Variants in CTNNA3 observed in about 807,000 individuals in gnomAD.
The protein encoded by CTNNA3 is catenin alpha 3.
Under a neutral mutation model 95.7 loss-of-function variants are expected in CTNNA3, and 76 were observed. The ratio of observed to expected loss-of-function variants is 0.79; its 90% confidence interval spans 0.66 to 0.96. The LOEUF (loss-of-function observed/expected upper bound fraction) is 0.96, where lower values mean the gene tolerates loss of function less well. CTNNA3 is among the 40% of genes least tolerant of loss of function. The pLI is 0.00. For synonymous variants in CTNNA3, 431 were observed against 374.4 expected (o/e 1.15, Z -1.74); for missense variants, 1,191 against 1,089.8 (o/e 1.09, Z -1.31).
At chr10:66,984,152 CA>C (rs5785810) in intron 7 of CTNNA3, among the ~76,000 whole-genome samples, 120,297 of 151,802 alleles carry the variant, frequency 0.79, 48,222 homozygotes, top group Admixed American at 0.87. Context: ...CATCCGCTAC[CA>C]AAAAAAACAC....
At chr10:67,212,007 T>C (rs934146175) in intron 6 of CTNNA3, among the ~76,000 whole-genome samples, 1 of 152,082 alleles carries the variant, frequency 6.6e-6, no homozygotes, top group African/African-American at 2.4e-5. Context: ...ATTAAGCCAG[T>C]ACCTAGCACA....
rs557870298 is a variant in CTNNA3, at chr10:66,048,105, A to T, written c.2159+21203T>A. 9.8e-5 allele frequency among the ~76,000 whole-genome samples: 15 copies of T among 152,314 alleles called. No homozygotes were observed. The South Asian group carries it at 2.7e-3, about 27-fold the overall frequency. ...TATTAAACTACCAAGCACATTCTTC[A>T]CAGAACTAGAAAAAAAACTATTTTA... On this transcript the variant is annotated intron_variant, in intron 15 of 17. Coordinates refer to ENST00000433211, the MANE Select transcript of CTNNA3 (RefSeq NM_013266.4).
intron 5 of CTNNA3, among the ~76,000 whole-genome samples, chr10:67,447,836 TC>T (rs1846816093): frequency 6.6e-6 from 1 of 152,172 alleles, no homozygotes; most frequent in South Asian, 2.1e-4. Context: ...TTCATTCACC[TC>T]TTATATTTCC....
intron 1 of CTNNA3, among the ~76,000 whole-genome samples, chr10:67,701,867 T>C (rs1430772354): frequency 2.0e-5 from 3 of 152,066 alleles, no homozygotes; most frequent in Non-Finnish European, 4.4e-5. Flanking sequence ...CAGTGTGCTG[T>C]ATTCAGGAAA....
intron 2 of CTNNA3, among the ~76,000 whole-genome samples, chr10:67,622,924 C>T (rs1843894635): frequency 6.6e-6 from 1 of 152,124 alleles, no homozygotes; most frequent in South Asian, 2.1e-4. Flanking sequence ...AAGCCTTAAG[C>T]CTATTAGTAT....
chr10:67,113,872 G>T (rs921852932), intron 7 of CTNNA3, among the ~76,000 whole-genome samples: 2 of 152,020 alleles, frequency 1.3e-5, no homozygotes, highest in Non-Finnish European at 1.5e-5. Context: ...TACTTAAAAA[G>T]AATTTTTCCA....
intron 5 of CTNNA3, among the ~76,000 whole-genome samples, chr10:67,332,900 C>T (rs1841852127): frequency 6.6e-6 from 1 of 152,158 alleles, no homozygotes; most frequent in South Asian, 2.1e-4. Context: ...CACGTGAATG[C>T]CCCTGCATTC....
intron 17 of CTNNA3, among the ~76,000 whole-genome samples, chr10:65,957,077 T>C (rs1044832692): frequency 2.6e-5 from 4 of 152,214 alleles, no homozygotes; most frequent in Admixed American, 6.5e-5. Context: ...TGCTTCTGTA[T>C]TGGGTGCATA....
intron 17 of CTNNA3, among the ~76,000 whole-genome samples, chr10:65,937,964 C>CA (rs1051837263): frequency 7.2e-5 from 11 of 151,856 alleles, no homozygotes; most frequent in Non-Finnish European, 1.2e-4. Context: ...GTCCTATATC[C>CA]AAAAAAACTC....
At chr10:66,834,696 TGTA>T (rs1391726356) in intron 7 of CTNNA3, among the ~76,000 whole-genome samples, 1 of 152,220 alleles carries the variant, frequency 6.6e-6, no homozygotes, top group Non-Finnish European at 1.5e-5. Flanking sequence ...TGAAAAAAGT[TGTA>T]GATTTCCCGA....
intron 13 of CTNNA3, among the ~76,000 whole-genome samples, chr10:66,219,807 A>G (rs1218346220): frequency 6.6e-6 from 1 of 152,118 alleles, no homozygotes; most frequent in Non-Finnish European, 1.5e-5. Flanking sequence ...AGCAATAGGA[A>G]ACTACTACTG....
In CTNNA3 at chr10:67,247,198, G is replaced by C. The variant is rs139786581; in HGVS notation, c.580-27328C>G. ...ATAAAAGGCATACAGATTAGAAAAG[G>C]AGAAATAAAACTACCTCTCTTTGCA... On this transcript the variant is annotated intron_variant, in intron 5 of 17. Transcript: ENST00000433211. Among the ~76,000 whole-genome samples, 378 of 152,202 alleles carry C rather than the reference G, an allele frequency of 2.5e-3. 2 individuals are homozygous for C. The highest frequency in any genetic ancestry group is 8.7e-3 in the African/African-American group (360 of 41,544).
At chr10:66,631,405 G>A (rs965982153) in intron 9 of CTNNA3, among the ~76,000 whole-genome samples, 1 of 152,102 alleles carries the variant, frequency 6.6e-6, no homozygotes, top group African/African-American at 2.4e-5. Context: ...ATTCAACTGT[G>A]TAATAAAAAA....
At chr10:67,005,380 C>T (rs900552999) in intron 7 of CTNNA3, among the ~76,000 whole-genome samples, 8 of 152,210 alleles carry the variant, frequency 5.3e-5, no homozygotes, top group Admixed American at 3.9e-4. Context: ...CCCAAGCAGA[C>T]ATTCTCTATC....
intron 7 of CTNNA3, among the ~76,000 whole-genome samples, chr10:67,028,788 G>A (rs913019290): frequency 5.9e-5 from 9 of 152,038 alleles, no homozygotes; most frequent in Admixed American, 2.6e-4. Context: ...GCATTTTTGA[G>A]GTTTCCTCCC....
chr10:66,759,675 C>T (rs1456994591), intron 9 of CTNNA3, among the ~76,000 whole-genome samples: 2 of 152,182 alleles, frequency 1.3e-5, no homozygotes, highest in African/African-American at 4.8e-5. Context: ...CTACCTAGAA[C>T]TGCACTGTCT....
intron 7 of CTNNA3, among the ~76,000 whole-genome samples, chr10:67,170,765 TA>T (rs922736141): frequency 1.3e-5 from 2 of 151,946 alleles, no homozygotes; most frequent in Admixed American, 1.3e-4. Flanking sequence ...CCCCTGTATC[TA>T]AAAAAAGGTT....
At chr10:66,972,627 A>T (rs1282759042) in intron 7 of CTNNA3, among the ~76,000 whole-genome samples, 1 of 152,058 alleles carries the variant, frequency 6.6e-6, no homozygotes, top group Non-Finnish European at 1.5e-5. Context: ...TTTTCTAAGT[A>T]AGACATGAAC....
rs369702919 is a variant in CTNNA3 at position 66,328,485 on chromosome 10, T to C, written c.1733-47864A>G. On this transcript the variant is annotated intron_variant, in intron 12 of 17. Coordinates refer to ENST00000433211, the MANE Select transcript of CTNNA3 (RefSeq NM_013266.4). Reference sequence around the variant, plus strand: ...TTCTGAATCCTTGTCAATTCAACTCTTTATTTACTGGGAAAATTCTCACTT... The same window carrying C: ...TTCTGAATCCTTGTCAATTCAACTCCTTATTTACTGGGAAAATTCTCACTT... Among the ~76,000 whole-genome samples, 69 of 152,194 alleles carry C rather than the reference T, an allele frequency of 4.5e-4. 1 individual carries two copies. In the South Asian group the frequency reaches 0.014, roughly 31 times the overall value.
Sources: allele counts gnomAD v4.1 joint callset (sites outside exome capture counted in the v4.1 genomes callset), GRCh38; gene constraint gnomAD v4.1.1; transcripts MANE v1.5; gene names NCBI Gene and HGNC (gene_info 2026-07-23, HGNC 2026-07-21).